The following SORCS1 variants were observed in gnomAD, a reference collection of about 807,000 sequenced individuals.
The protein encoded by SORCS1 is VPS10 domain-containing receptor SorCS1.
Under a neutral mutation model 146.1 loss-of-function variants are expected in SORCS1, and 60 were observed. That is an observed-to-expected ratio of 0.41 (90% CI 0.33 to 0.51). SORCS1 has a LOEUF of 0.51. Among genes scored for constraint, SORCS1 ranks in the 20% least tolerant of loss-of-function variants. The pLI is 0.21. For synonymous variants in SORCS1, 637 were observed against 584.0 expected (o/e 1.09, Z -1.31); for missense variants, 1,352 against 1,487.6 (o/e 0.91, Z 1.50).
chr10:106,686,567 C>T (rs917789568), intron 10 of SORCS1, among the ~76,000 whole-genome samples: 4 of 152,162 alleles, frequency 2.6e-5, no homozygotes, highest in Non-Finnish European at 5.9e-5. Context: ...AAAATGCCAC[C>T]AAACTGTGCC....
chr10:106,977,521 G>A (rs1956077644), intron 1 of SORCS1, among the ~76,000 whole-genome samples: 1 of 149,910 alleles, frequency 6.7e-6, no homozygotes, highest in Admixed American at 6.6e-5. Context: ...TGCTTCTTTA[G>A]TATCATGCTT....
At chr10:107,110,987 T>C (rs899886647) in intron 1 of SORCS1, among the ~76,000 whole-genome samples, 1 of 151,998 alleles carries the variant, frequency 6.6e-6, no homozygotes, top group Non-Finnish European at 1.5e-5. Flanking sequence ...GTGGGTCCCC[T>C]CGTGGACTCA....
intron 8 of SORCS1, among the ~76,000 whole-genome samples, chr10:106,699,994 T>C (rs762309301): frequency 9.2e-5 from 14 of 152,218 alleles, no homozygotes; most frequent in Non-Finnish European, 1.8e-4. Flanking sequence ...CAGTCTCCTC[T>C]ACCCTCAGCC....
intron 2 of SORCS1, among the ~76,000 whole-genome samples, chr10:106,872,682 G>C (rs1369282608): frequency 6.6e-6 from 1 of 152,116 alleles, no homozygotes; most frequent in East Asian, 1.9e-4. Flanking sequence ...TTACTACTGT[G>C]GTTGCAATGG....
intron 20 of SORCS1, 100 bp from the exon 21 acceptor site, chr10:106,618,372 G>A (rs1847518532): frequency 2.1e-6 from 3 of 1,451,602 alleles, no homozygotes; most frequent in African/African-American, 1.4e-5. Flanking sequence ...ACCCAGCAGA[G>A]GCTCTTCCTG....
chr10:106,655,340 T>TGGCATC lies in SORCS1; in HGVS notation c.2304-2793_2304-2788dup, dbSNP rs1439744105. Among the ~76,000 whole-genome samples, 14 of 152,282 alleles carry TGGCATC rather than the reference T, an allele frequency of 9.2e-5. No individual in the cohort carries two copies. The East Asian group carries it at 2.5e-3, about 27-fold the overall frequency. ...CCAGTGATGTCACCCAGGTTAATTG[T>TGGCATC]GGCATCTCAGTGAGTTTCACCATGC... On this transcript the variant is annotated intron_variant, in intron 17 of 25. Coordinates refer to ENST00000263054, the MANE Select transcript of SORCS1 (RefSeq NM_052918.5).
intron 1 of SORCS1, among the ~76,000 whole-genome samples, chr10:106,972,585 G>C (rs4918275): frequency 0.013 from 1,754 of 132,486 alleles, 66 homozygotes; most frequent in East Asian, 0.12. Flanking sequence ...TCAGCTAGGT[G>C]GGGGGGCTGA....
intron 18 of SORCS1, among the ~76,000 whole-genome samples, chr10:106,638,083 C>T (rs1848835158): frequency 6.6e-6 from 1 of 152,172 alleles, no homozygotes; most frequent in Admixed American, 6.6e-5. Context: ...ACCCATTGCA[C>T]TTTGGAAGCA....
At chr10:106,727,751 G>T (rs550834247) in intron 6 of SORCS1, among the ~76,000 whole-genome samples, 1 of 152,326 alleles carries the variant, frequency 6.6e-6, no homozygotes, top group African/African-American at 2.4e-5. Context: ...ATTAACCTGA[G>T]GTCTCAACCA....
chr10:106,926,890 G>GAGAGAGAGAC (rs1554886111), intron 2 of SORCS1, among the ~76,000 whole-genome samples: 3 of 151,024 alleles, frequency 2.0e-5, no homozygotes, highest in African/African-American at 7.4e-5. Context: ...GAGAGAGAGA[G>GAGAGAGAGAC]AGAGAGAGAA....
At position 106,918,028 on chromosome 10, in the gene SORCS1, C is replaced by G. The variant is rs77698056; in HGVS notation, c.626+38485G>C. Among the ~76,000 whole-genome samples, 359 of 152,200 alleles carry G rather than the reference C, an allele frequency of 2.4e-3. 2 individuals are homozygous for G. Among genetic ancestry groups the G allele is most frequent in the African/African-American group, 7.8e-3 (324 of 41,524 alleles). On this transcript the variant is annotated intron_variant, in intron 2 of 25. Transcript: ENST00000263054. Reference sequence around the variant, plus strand: ...TCTTATTTACTATTTCCTGAACTCGCCAATTAAGTTTCCATCATTGTAACT... The same window carrying G: ...TCTTATTTACTATTTCCTGAACTCGGCAATTAAGTTTCCATCATTGTAACT...
intron 2 of SORCS1, among the ~76,000 whole-genome samples, chr10:106,880,251 G>A (rs1350115294): frequency 6.6e-6 from 1 of 152,094 alleles, no homozygotes; most frequent in Non-Finnish European, 1.5e-5. Flanking sequence ...ATAGTCAAAG[G>A]TACAAAAAGA....
At position 106,612,670 on chromosome 10, in the gene SORCS1, A is replaced by G. The variant is rs117528285; in HGVS notation, c.2921-647T>C. Among the ~76,000 whole-genome samples, 787 of 152,228 alleles carry G rather than the reference A, an allele frequency of 5.2e-3. 2 individuals carry two copies. Among genetic ancestry groups the G allele is most frequent in the Middle Eastern group, 0.027 (8 of 294 alleles). The stretch of plus-strand genomic sequence containing the variant: ...GGAATTGCCATGTTTGGTTGGACCC[A>G]GTTTCTAATGGCCAGCATTTGCATA... On this transcript the variant is annotated intron_variant, in intron 21 of 25. Coordinates refer to ENST00000263054, the MANE Select transcript of SORCS1 (RefSeq NM_052918.5).
intron 1 of SORCS1, among the ~76,000 whole-genome samples, chr10:107,161,705 T>C (rs2134934308): frequency 6.6e-6 from 1 of 151,938 alleles, no homozygotes; most frequent in East Asian, 1.9e-4. Context: ...AAAAAAAGTT[T>C]ATTTATGCTT....
At chr10:106,617,453 C>T (rs1052577045) in intron 21 of SORCS1, among the ~76,000 whole-genome samples, 8 of 152,118 alleles carry the variant, frequency 5.3e-5, no homozygotes, top group African/African-American at 1.9e-4. Context: ...ATCCATATGA[C>T]TATCTTTCTA....
intron 2 of SORCS1, among the ~76,000 whole-genome samples, chr10:106,880,357 A>G (rs563474847): frequency 6.6e-6 from 1 of 152,220 alleles, no homozygotes; most frequent in Non-Finnish European, 1.5e-5. Flanking sequence ...TTTGTGTTAA[A>G]AGAAAAAATA....
intron 18 of SORCS1, among the ~76,000 whole-genome samples, chr10:106,641,376 G>T (rs1031422093): frequency 6.6e-6 from 1 of 152,092 alleles, no homozygotes; most frequent in Non-Finnish European, 1.5e-5. Context: ...TTGCAAACTA[G>T]TATCAGTGTA....
chr10:107,159,827 G>A (rs553257403), intron 1 of SORCS1, among the ~76,000 whole-genome samples: 13 of 151,458 alleles, frequency 8.6e-5, no homozygotes, highest in Non-Finnish European at 1.5e-4. Context: ...TTTTTAAAAG[G>A]TCAGCTCCTC....
At chr10:106,590,202 C>T (rs745486290) in intron 24 of SORCS1, among the ~76,000 whole-genome samples, 5 of 152,120 alleles carry the variant, frequency 3.3e-5, no homozygotes, top group Non-Finnish European at 5.9e-5. Flanking sequence ...TGCTTATTTG[C>T]TCTTTTTTTG....
Sources: allele counts gnomAD v4.1 joint callset (sites outside exome capture counted in the v4.1 genomes callset), GRCh38; gene constraint gnomAD v4.1.1; transcripts MANE v1.5; gene names NCBI Gene and HGNC (gene_info 2026-07-23, HGNC 2026-07-21).